RBFOX1: variants seen among roughly 807,000 people sequenced by gnomAD.
The protein encoded by RBFOX1 is RNA binding fox-1 homolog 1, also known as RNA binding protein fox-1 homolog 1.
Under a neutral mutation model 57.7 loss-of-function variants are expected in RBFOX1, and 8 were observed. The ratio of observed to expected loss-of-function variants is 0.14; its 90% CI spans 0.08 to 0.25. The LOEUF (loss-of-function observed/expected upper bound fraction) is 0.25. RBFOX1 is among the 10% of genes least tolerant of loss of function. RBFOX1 has a pLI of 1.00. For synonymous variants in RBFOX1, 326 were observed against 222.4 expected (o/e 1.47, Z -4.15); for missense variants, 611 against 548.5 (o/e 1.11, Z -1.14).
chr16:7,317,986 G>A (rs2096475879), intron 4 of RBFOX1, among the ~76,000 whole-genome samples: 1 of 152,000 alleles, frequency 6.6e-6, no homozygotes, highest in South Asian at 2.1e-4. Context: ...GGTGGTGATA[G>A]TGGTGGTGAC....
chr16:7,106,986 C>A (rs115235752), intron 4 of RBFOX1, among the ~76,000 whole-genome samples: 77 of 103,328 alleles, frequency 7.5e-4, no homozygotes, highest in Middle Eastern at 4.5e-3. Flanking sequence ...ACAGTTAAAA[C>A]ACACACACAC....
intron 4 of RBFOX1, among the ~76,000 whole-genome samples, chr16:7,464,206 A>G (rs112550123): frequency 1.5e-3 from 232 of 152,260 alleles, no homozygotes; most frequent in African/African-American, 4.7e-3. Flanking sequence ...GTTTTGCTCA[A>G]TGATTGTGTG....
intron 4 of RBFOX1, among the ~76,000 whole-genome samples, chr16:7,186,325 C>T (rs1229151382): frequency 3.1e-5 from 2 of 64,062 alleles, no homozygotes; most frequent in Admixed American, 1.6e-4. Flanking sequence ...TAAATATAAA[C>T]ATAAACATAT....
chr16:6,921,585 C>T (rs1271265427), intron 3 of RBFOX1, among the ~76,000 whole-genome samples: 18 of 151,012 alleles, frequency 1.2e-4, no homozygotes, highest in Non-Finnish European at 2.4e-4. Context: ...CTTCTTCAAG[C>T]AGTGGAGAAA....
upstream of RBFOX1, among the ~76,000 whole-genome samples, chr16:6,018,544 G>T (rs565518517): frequency 3.9e-4 from 60 of 152,272 alleles, no homozygotes; most frequent in Non-Finnish European, 6.5e-4. Context: ...GGACAGGAGA[G>T]GCCCAGCTGT....
At chr16:6,549,309 A>G (rs577182853) in intron 2 of RBFOX1, among the ~76,000 whole-genome samples, 1 of 4,222 alleles carries the variant, frequency 2.4e-4, no homozygotes, top group East Asian at 4.2e-3. Context: ...GAGGAGGGAA[A>G]AGGAGGAGGG....
intron 2 of RBFOX1, among the ~76,000 whole-genome samples, chr16:6,340,243 G>A (rs982036758): frequency 6.6e-6 from 1 of 152,174 alleles, no homozygotes. Flanking sequence ...ACTATCTGCA[G>A]CAAGGGGACA....
chr16:6,528,800 G>A (rs190076677), intron 2 of RBFOX1, among the ~76,000 whole-genome samples: 1 of 152,252 alleles, frequency 6.6e-6, no homozygotes, highest in Non-Finnish European at 1.5e-5. Context: ...CCCACTAGGT[G>A]ACAGTAGCAT....
At chr16:6,440,577 G>A (rs369683271) in intron 2 of RBFOX1, among the ~76,000 whole-genome samples, 10 of 152,054 alleles carry the variant, frequency 6.6e-5, no homozygotes, top group African/African-American at 1.9e-4. Flanking sequence ...TGAGGCAGGC[G>A]GATCACGAGG....
intron 1 of RBFOX1, among the ~76,000 whole-genome samples, chr16:5,448,030 T>A (rs1438106105): frequency 6.6e-6 from 1 of 151,862 alleles, no homozygotes; most frequent in Non-Finnish European, 1.5e-5. Context: ...GGGGGTGGAG[T>A]CACATGGGGG....
intron 2 of RBFOX1, among the ~76,000 whole-genome samples, chr16:6,330,304 C>T (rs2082861297): frequency 6.6e-6 from 1 of 152,216 alleles, no homozygotes; most frequent in Non-Finnish European, 1.5e-5. Flanking sequence ...CTAAGGCTGA[C>T]TCTGCAAACA....
chr16:6,113,920 A>G (rs968244687), intron 1 of RBFOX1, among the ~76,000 whole-genome samples: 2 of 152,178 alleles, frequency 1.3e-5, no homozygotes, highest in Non-Finnish European at 2.9e-5. Flanking sequence ...ACATTTCATT[A>G]TTACGATCTG....
intron 3 of RBFOX1, among the ~76,000 whole-genome samples, chr16:6,885,248 G>C (rs753550887): frequency 7.2e-5 from 11 of 152,164 alleles, no homozygotes; most frequent in Non-Finnish European, 1.6e-4. Flanking sequence ...CTCCAGTCCA[G>C]CAGCGTCAGC....
intron 4 of RBFOX1, among the ~76,000 whole-genome samples, chr16:7,199,933 A>AG (rs2087875306): frequency 6.6e-6 from 1 of 151,358 alleles, no homozygotes; most frequent in Admixed American, 6.6e-5. Flanking sequence ...ACAACAACAA[A>AG]GAAATTAGAC....
intron 1 of RBFOX1, among the ~76,000 whole-genome samples, chr16:6,308,677 G>A (rs117297471): frequency 2.0e-4 from 30 of 152,284 alleles, no homozygotes; most frequent in Non-Finnish European, 3.4e-4. Flanking sequence ...TTGGTGTCAC[G>A]TTTGGTATGC....
intron 1 of RBFOX1, among the ~76,000 whole-genome samples, chr16:5,456,753 C>T (rs1015316237): frequency 2.0e-5 from 3 of 152,160 alleles, no homozygotes; most frequent in Admixed American, 6.5e-5. Flanking sequence ...AGGATGGCCC[C>T]TGTGAAGGGC....
chr16:6,137,462 G>A (rs988419764), intron 1 of RBFOX1, among the ~76,000 whole-genome samples: 3 of 151,912 alleles, frequency 2.0e-5, no homozygotes, highest in Non-Finnish European at 2.9e-5. Context: ...TGGCCACCAC[G>A]CCTGGGTAAT....
At chr16:6,611,592 A>G (rs1208153898) in intron 2 of RBFOX1, among the ~76,000 whole-genome samples, 1 of 152,136 alleles carries the variant, frequency 6.6e-6, no homozygotes, top group Non-Finnish European at 1.5e-5. Context: ...GGTTTTTCCT[A>G]TCCGTGTTCC....
At chr16:5,365,514 C>G (rs2065686730) in intron 1 of RBFOX1, among the ~76,000 whole-genome samples, 1 of 151,990 alleles carries the variant, frequency 6.6e-6, no homozygotes, top group East Asian at 1.9e-4. Context: ...ACTAAAAATA[C>G]AAAAATTAGC....
Sources: gnomAD v4.1 joint callset for allele counts (sites outside exome capture counted in the v4.1 genomes callset) on GRCh38, gnomAD v4.1.1 for gene constraint, MANE v1.5 for transcripts, NCBI Gene and HGNC (gene_info 2026-07-23, HGNC 2026-07-21) for gene names.